The following AMER1 variants were observed in gnomAD, a reference collection of about 807,000 sequenced individuals.
AMER1 encodes the protein APC membrane recruitment protein 1.
A neutral mutation model predicts 53.0 loss-of-function variants in AMER1; 16 were observed. The observed-to-expected ratio is 0.30, with a 90% CI of 0.20 to 0.46. The LOEUF (loss-of-function observed/expected upper bound fraction) is 0.46. AMER1 is among the 20% of genes least tolerant of loss of function. The probability of loss-of-function intolerance (pLI) is 1.00; values close to 1 mark genes in which losing one functional copy is unlikely to be tolerated. For synonymous variants in AMER1, 354 were observed against 331.9 expected (o/e 1.07, Z -0.73); for missense variants, 947 against 884.9 (o/e 1.07, Z -0.89).
In AMER1 at chrX:64,192,713, G is replaced by A. The variant is rs2147090254; in HGVS notation, c.574C>T (p.Pro192Ser). The change falls in exon 2 of 2, where the codon CCA becomes TCA. Residue 192 changes from proline (P) to serine (S), a missense_variant. Pro to Ser is a moderately conservative substitution (Grantham distance 74, BLOSUM62 -1). Transcript: ENST00000374869. ...ACCCTCTCAGGCCCCTTGGCCCCTG[G>A]CTCACTTTGCTCAGCCCCAGTGACC... Reference protein sequence around the residue: ...SKVTGAEQSEPGAKGPERVRA... With the variant: ...SKVTGAEQSESGAKGPERVRA... 1 of 1,185,869 alleles carries A rather than the reference G, an allele frequency of 8.4e-7. No homozygotes were observed. The highest frequency in any genetic ancestry group is 1.1e-6 in the Non-Finnish European group (1 of 883,507).
rs866313799 is a variant in AMER1 at position 64,191,387 on chromosome X, G to C, written c.1900C>G (p.Arg634Gly). ...TCTCGGACTTGAGTCTCTCTACAACGAACCTCTCGGGCCTGGGCTTCTCGG... is the reference window on the plus strand; with the variant it reads ...TCTCGGACTTGAGTCTCTCTACAACCAACCTCTCGGGCCTGGGCTTCTCGG... ...RTREAQAREV[R>G]CRETQVRETQ... The change falls in exon 2 of 2, where the codon CGT becomes GGT. Residue 634 changes from arginine (R) to glycine (G), a missense_variant. By Grantham distance (125) the Arg-to-Gly change is moderately radical. Transcript: ENST00000374869. 8.3e-7 allele frequency: 1 copy of C among 1,211,406 alleles called. No individual in the cohort carries two copies.
chrX:64,190,656 G>A lies in AMER1; in HGVS notation c.2631C>T (p.Gly877=). 1 of 1,211,742 alleles carries A rather than the reference G, an allele frequency of 8.3e-7. No homozygotes were observed. Among genetic ancestry groups the A allele is most frequent in the Non-Finnish European group, 1.1e-6 (1 of 895,496 alleles). ...CAGCAGGTGGAGGTCGAGGGTGCAG[G>A]CCAGGCAGTCCCAAGTATCGAGGGA... is the stretch of plus-strand genomic sequence containing the variant. ...SSLPRYLGLP[G]LHPRPPPAAM... is the part of the protein sequence containing the mutation. Residue 877 remains glycine (G), a synonymous_variant, in exon 2 of 2, where the codon GGC becomes GGT. Transcript: ENST00000374869.
Position 64,189,793 on chromosome X carries a change from A to ACGGGGGGGCCCCCCCCCCCCCCCCCC in AMER1, c.*85_*86insGGGGGGGGGGGGGGGGGGCCCCCCCG. ...CAAAGGGTTTTCAAGTTAAACAACA[A>ACGGGGGGGCCCCCCCCCCCCCCCCCC]CCCCCACCCCCCCACCCTTCTGCCC... On this transcript the variant is annotated 3_prime_UTR_variant, in exon 2 of 2. Transcript: ENST00000374869. 3.4e-6 allele frequency: 1 copy of ACGGGGGGGCCCCCCCCCCCCCCCCCC among 292,073 alleles called. No homozygotes were observed. The highest frequency in any genetic ancestry group is 4.9e-6 in the Non-Finnish European group (1 of 204,831). 24.1% of individuals were successfully genotyped at this position (292,073 alleles called of 1,213,427 possible).
rs2147085658 is a variant in AMER1 at position 64,190,661 on chromosome X, G to A, written c.2626C>T (p.Pro876Ser). Residue 876 changes from proline to serine, a missense_variant, in exon 2 of 2, where the codon CCT becomes TCT. By Grantham distance (74) the Pro-to-Ser change is moderately conservative. Transcript: ENST00000374869. ...VSSLPRYLGL[P>S]GLHPRPPPAA... ...GGTGGAGGTCGAGGGTGCAGGCCAG[G>A]CAGTCCCAAGTATCGAGGGAGGCTG... 1 of 1,211,713 alleles carries A rather than the reference G, an allele frequency of 8.3e-7. No individual in the cohort carries two copies. Among genetic ancestry groups the A allele is most frequent in the Non-Finnish European group, 1.1e-6 (1 of 895,464 alleles).
chrX:64,189,793 AC>A lies in AMER1; in HGVS notation c.*85del. On this transcript the variant is annotated 3_prime_UTR_variant, in exon 2 of 2. Transcript: ENST00000374869. ...CAAAGGGTTTTCAAGTTAAACAACAACCCCCACCCCCCCACCCTTCTGCCCA... is the reference window on the plus strand; with the variant it reads ...CAAAGGGTTTTCAAGTTAAACAACAACCCCACCCCCCCACCCTTCTGCCCA... 2.1e-5 allele frequency: 6 copies of A among 292,069 alleles called. No homozygotes were observed. The highest frequency in any genetic ancestry group is 1.7e-4 in the East Asian group (1 of 5,962). The allele number at this position is 292,069 out of a possible 1,213,427, so 24.1% of individuals were successfully genotyped here. A position where few individuals can be genotyped will look rare whatever the true frequency, so the allele number is the denominator to read the frequency against.
rs376353035 is a variant in AMER1, at chrX:64,190,344, G to A, written c.2943C>T (p.Asp981=). Residue 981 remains aspartate, a synonymous_variant, in exon 2 of 2, where the codon GAC becomes GAT. Coordinates refer to ENST00000374869, the MANE Select transcript of AMER1 (RefSeq NM_152424.4). ...GPAWISPNQL[D]RPSSQSPYRQ... ...TATATGGAGACTGGCTGGAAGGCCT[G>A]TCCAACTGGTTGGGGCTTATCCAGG... The A allele has an allele frequency of 3.8e-5, 46 of 1,210,376 alleles. No homozygotes were observed. Among genetic ancestry groups the A allele is most frequent in the Middle Eastern group, 2.3e-4 (1 of 4,351 alleles).
Position 64,191,829 on chromosome X carries a change from G to A in AMER1, c.1458C>T (p.Ala486=), listed in dbSNP as rs762763843. ...TPGFEDDSGE[A]LGLVRRDCLP... Reference sequence around the variant, plus strand: ...GACAATCCCTGCGGACAAGCCCCAGGGCCTCACCTGAATCATCCTCAAATC... The same window carrying A: ...GACAATCCCTGCGGACAAGCCCCAGAGCCTCACCTGAATCATCCTCAAATC... The change falls in exon 2 of 2, where the codon GCC becomes GCT. Residue 486 remains alanine, a synonymous_variant. Transcript: ENST00000374869. 1.7e-6 allele frequency: 2 copies of A among 1,211,539 alleles called. No homozygotes were observed. Among genetic ancestry groups the A allele is most frequent in the South Asian group, 3.5e-5 (2 of 56,914 alleles).
Position 64,189,964 on chromosome X carries a change from T to C in AMER1, c.3323A>G (p.Asp1108Gly), listed in dbSNP as rs2147083987. The C allele has an allele frequency of 8.3e-7, 1 of 1,206,266 alleles. No homozygotes were observed. The highest frequency in any genetic ancestry group is 1.7e-5 in the African/African-American group (1 of 57,486). The change falls in exon 2 of 2, where the codon GAC (aspartate) becomes GGC (glycine). Residue 1108 changes from aspartate (D) to glycine (G), a missense_variant. Transcript: ENST00000374869. Reference protein sequence around the residue: ...QPTHYGPSSLDLSKERAEQGA... With the variant: ...QPTHYGPSSLGLSKERAEQGA... The stretch of plus-strand genomic sequence containing the variant: ...TTGCTCAGCCCTCTCCTTTGACAGG[T>C]CAAGGCTGGAAGGCCCATAGTGAGT...
Position 64,189,793 on chromosome X carries a change from A to ACCCCCCCCCCCCCCCCCCCCCTCCCCCCC in AMER1, c.*85_*86insGGGGGGGAGGGGGGGGGGGGGGGGGGGGG. Reference sequence around the variant, plus strand: ...CAAAGGGTTTTCAAGTTAAACAACAACCCCCACCCCCCCACCCTTCTGCCC... The same window carrying ACCCCCCCCCCCCCCCCCCCCCTCCCCCCC: ...CAAAGGGTTTTCAAGTTAAACAACAACCCCCCCCCCCCCCCCCCCCCTCCCCCCCCCCCCACCCCCCCACCCTTCTGCCC... On this transcript the variant is annotated 3_prime_UTR_variant, in exon 2 of 2. Transcript: ENST00000374869. 1.0e-5 allele frequency: 3 copies of ACCCCCCCCCCCCCCCCCCCCCTCCCCCCC among 292,073 alleles called. No homozygotes were observed. Among genetic ancestry groups the ACCCCCCCCCCCCCCCCCCCCCTCCCCCCC allele is most frequent in the Non-Finnish European group, 9.8e-6 (2 of 204,831 alleles). 24.1% of individuals were successfully genotyped at this position (292,073 alleles called of 1,213,427 possible).
Position 64,192,481 on chromosome X carries a change from T to A in AMER1, c.806A>T (p.His269Leu), listed in dbSNP as rs781019812. 5.0e-6 allele frequency: 6 copies of A among 1,202,824 alleles called. No homozygotes were observed. In the South Asian group the frequency reaches 1.1e-4, roughly 22 times the overall value. Residue 269 changes from histidine to leucine, a missense_variant, in exon 2 of 2, where the codon CAT becomes CTT. Transcript: ENST00000374869. ...TTCAGGGGCAGGCTTGGGTTGCACA[T>A]GTGCTGAGGCACAGGCCTCCATGGG... ...EKPMEACASAHVQPKPAPEAS... is the reference protein window; with the variant it reads ...EKPMEACASALVQPKPAPEAS...
At chrX:64,204,947 G>C (rs1421936235) in intron 1 of AMER1, among the ~76,000 whole-genome samples, 1 of 113,317 alleles carries the variant, frequency 8.8e-6, no homozygotes, top group Non-Finnish European at 1.9e-5. Flanking sequence ...AGGGAAGTGT[G>C]CGACTGAGCT....
At position 64,191,797 on chromosome X, in the gene AMER1, C is replaced by T. The variant is rs1259792397; in HGVS notation, c.1490G>A (p.Arg497Gln). ...TAGGGCATCTCCACTGTAGCTGTCT[C>T]GGGGTAGACAATCCCTGCGGACAAG... Reference protein sequence around the residue: ...LGLVRRDCLPRDSYSGDALYE... With the variant: ...LGLVRRDCLPQDSYSGDALYE... The change falls in exon 2 of 2, where the codon CGA (arginine) becomes CAA (glutamine). Residue 497 changes from arginine to glutamine, a missense_variant. Physicochemically the swap from Arg to Gln is conservative, Grantham distance 43. Transcript: ENST00000374869. 5 of 1,209,868 alleles carry T rather than the reference C, an allele frequency of 4.1e-6. No individual in the cohort carries two copies. The highest frequency in any genetic ancestry group is 1.8e-5 in the South Asian group (1 of 56,676).
chrX:64,189,711 G>A lies in AMER1; in HGVS notation c.*168C>T, dbSNP rs1028144587. On this transcript the variant is annotated 3_prime_UTR_variant, in exon 2 of 2. Transcript: ENST00000374869. ...ACTTGAGTTGAACGTGGCCATAGAT[G>A]GCAGAAGAGGCAAGTGGGAAAACCA... The A allele has an allele frequency of 7.1e-5, 78 of 1,100,434 alleles. No homozygotes were observed. The South Asian group carries it at 8.2e-4, about 12-fold the overall frequency. 90.7% of individuals were successfully genotyped at this position (1,100,434 alleles called of 1,213,427 possible).
At chrX:64,196,751 C>T (rs758785673) in intron 1 of AMER1, among the ~76,000 whole-genome samples, 23 of 111,824 alleles carry the variant, frequency 2.1e-4, no homozygotes, top group Non-Finnish European at 4.0e-4. Flanking sequence ...CTAACCAAGT[C>T]CAGAGTCATC....
Position 64,203,140 on chromosome X carries a change from G to T in AMER1, c.-99+2430C>A, listed in dbSNP as rs554220279. ...CTCTCTCCAAGTAGTTTGTCTCTTG[G>T]CTCATGAATCAGCAACCAAAGATAT... On this transcript the variant is annotated intron_variant, in intron 1 of 1. Transcript: ENST00000374869. Among the ~76,000 whole-genome samples, 6 of 112,134 alleles carry T rather than the reference G, an allele frequency of 5.4e-5. No individual in the cohort carries two copies. In the East Asian group the frequency reaches 8.4e-4, roughly 16 times the overall value.
At position 64,192,749 on chromosome X, in the gene AMER1, G is replaced by A. The variant is rs780162759; in HGVS notation, c.538C>T (p.Arg180Trp). ...KGFFSSIRRH[R>W]KSKVTGAEQS... The stretch of plus-strand genomic sequence containing the variant: ...TCAGCCCCAGTGACCTTGCTCTTCC[G>A]GTGACGGCGGATACTGCTAAAAAAG... The change falls in exon 2 of 2, where the codon CGG becomes TGG. Residue 180 changes from arginine to tryptophan, a missense_variant. Transcript: ENST00000374869. 1.2e-5 allele frequency: 14 copies of A among 1,203,592 alleles called. No homozygotes were observed. The highest frequency in any genetic ancestry group is 5.4e-5 in the South Asian group (3 of 55,774).
rs1930145661 is a variant in AMER1 at position 64,188,184 on chromosome X, C to G, written c.*1695G>C. 2.5e-6 allele frequency: 2 copies of G among 803,686 alleles called. No homozygotes were observed. Among genetic ancestry groups the G allele is most frequent in the Non-Finnish European group, 3.0e-6 (2 of 670,263 alleles). The allele number at this position is 803,686 out of a possible 1,213,427, so 66.2% of individuals were successfully genotyped here. ...GCCATATCTCAGGAATGGCAAGAAC[C>G]CTGTTGACTTCTTCTCTCAACAGGC... On this transcript the variant is annotated 3_prime_UTR_variant, in exon 2 of 2. Coordinates refer to ENST00000374869, the MANE Select transcript of AMER1 (RefSeq NM_152424.4).
rs1266347667 is a variant in AMER1 at position 64,187,365 on chromosome X, A to G, written c.*2514T>C. The stretch of plus-strand genomic sequence containing the variant: ...GCAGTGAAGGGACTTGCAGGCAGCA[A>G]GGCTGTCCAAACCATGAACTCTCAC... On this transcript the variant is annotated 3_prime_UTR_variant, in exon 2 of 2. Coordinates refer to ENST00000374869, the MANE Select transcript of AMER1 (RefSeq NM_152424.4). 1.3e-6 allele frequency: 1 copy of G among 791,483 alleles called. No individual in the cohort carries two copies. Among genetic ancestry groups the G allele is most frequent in the Admixed American group, 7.9e-5 (1 of 12,593 alleles). The allele number at this position is 791,483 out of a possible 1,213,427, so 65.2% of individuals were successfully genotyped here. A position where few individuals can be genotyped will look rare whatever the true frequency, so the allele number is the denominator to read the frequency against.
intron 1 of AMER1, among the ~76,000 whole-genome samples, chrX:64,197,800 T>G (rs750795693): frequency 8.9e-6 from 1 of 112,532 alleles, no homozygotes; most frequent in African/African-American, 3.2e-5. Context: ...GCAAGTTTTT[T>G]CCCATGTTTA....
Sources: gnomAD v4.1 joint callset for allele counts (sites outside exome capture counted in the v4.1 genomes callset) on GRCh38, gnomAD v4.1.1 for gene constraint, MANE v1.5 for transcripts, NCBI Gene and HGNC (gene_info 2026-07-23, HGNC 2026-07-21) for gene names.